MGAM: variants seen among roughly 807,000 people sequenced by gnomAD.
The protein encoded by MGAM is maltase-glucoamylase, also known as alpha-1,4-glucosidase.
In MGAM, 253 loss-of-function variants were observed where a neutral mutation model predicts 358.8. The ratio of observed to expected loss-of-function variants is 0.71; its 90% CI spans 0.64 to 0.78. The LOEUF (loss-of-function observed/expected upper bound fraction) is 0.78, where lower values mean the gene tolerates loss of function less well. Ranked by LOEUF, MGAM falls within the 30% of genes least tolerant of loss-of-function variation. The pLI, the probability that MGAM is intolerant of heterozygous loss-of-function variation, is 0.00. For synonymous variants in MGAM, 1,105 were observed against 1,227.1 expected (o/e 0.90, Z 2.08); for missense variants, 3,080 against 3,432.6 (o/e 0.90, Z 2.57).
chr7:142,021,002 T>G lies in MGAM; in HGVS notation c.477T>G (p.Pro159=), dbSNP rs782472130. 4.3e-6 allele frequency: 7 copies of G among 1,613,598 alleles called. No individual in the cohort carries two copies. The highest frequency in any genetic ancestry group is 3.3e-5 in the Admixed American group (2 of 59,960). ...TCACAGCCCGGTTGAAAAATCTGCC[T>G]TCTTCACCAGTGTTTGGAAGCAATG... is the stretch of plus-strand genomic sequence containing the variant. ...AGFTARLKNL[P]SSPVFGSNVD... Residue 159 remains proline, a synonymous_variant, in exon 5 of 71, where the codon CCT becomes CCG. Coordinates refer to ENST00000475668, the MANE Select transcript of MGAM (RefSeq NM_001365693.1).
At chr7:142,033,049 G>GA (rs1381168411) in intron 14 of MGAM, 140 bp downstream of exon 14, 9 of 520,396 alleles carry the variant, frequency 1.7e-5, no homozygotes, top group Non-Finnish European at 3.0e-5. Flanking sequence ...AATATATAAG[G>GA]AAAACTAGGA....
intron 3 of MGAM, among the ~76,000 whole-genome samples, chr7:142,017,610 C>CT (rs370181884): frequency 6.6e-6 from 1 of 151,962 alleles, no homozygotes; most frequent in African/African-American, 2.4e-5. Context: ...CTTTTCAACA[C>CT]TTTTTTTTCT....
intron 56 of MGAM, 144 bp from the exon 57 acceptor site, chr7:142,086,511 G>T: frequency 1.7e-6 from 1 of 575,264 alleles, no homozygotes; most frequent in South Asian, 2.2e-5. Context: ...AATGTGTTAC[G>T]GAATTCACTT....
chr7:142,080,668 C>A (rs1165127244), intron 49 of MGAM, 123 bp from the exon 50 acceptor site: 1 of 907,842 alleles, frequency 1.1e-6, no homozygotes, highest in East Asian at 2.6e-5. Flanking sequence ...TCTCAGACAT[C>A]ATAAACTTAA....
rs201997667 is a variant in MGAM at position 142,025,072 on chromosome 7, C to T, written c.905C>T (p.Ala302Val). The T allele has an allele frequency of 4.5e-4, 729 of 1,613,526 alleles. 1 individual carries two copies. The highest frequency in any genetic ancestry group is 5.5e-4 in the Non-Finnish European group (651 of 1,179,578). ...PNGNGTNLYG[A>V]QTFFLCLEDA... ...CAGAACGGAACTAATTTGTATGGTG[C>T]GCAGACATTCTTCTTGTGCCTTGAA... The change falls in exon 8 of 71, where the codon GCG (alanine) becomes GTG (valine). Residue 302 changes from alanine to valine, a missense_variant. Ala to Val is a moderately conservative substitution (Grantham distance 64). Coordinates refer to ENST00000475668, the MANE Select transcript of MGAM (RefSeq NM_001365693.1).
intron 20 of MGAM, 82 bp downstream of exon 20, chr7:142,040,253 C>A: frequency 9.3e-7 from 1 of 1,076,756 alleles, no homozygotes; most frequent in Non-Finnish European, 1.4e-6. Flanking sequence ...GAGAGAGAAA[C>A]ATCCATCTAC....
At chr7:141,990,691 A>C (rs1231136983) in intron 2 of MGAM, among the ~76,000 whole-genome samples, 1 of 149,488 alleles carries the variant, frequency 6.7e-6, no homozygotes, top group Non-Finnish European at 1.5e-5. Context: ...TTATTTTTTT[A>C]TTATTATACT....
At chr7:142,076,141 G>T in intron 45 of MGAM, 62 bp from the exon 46 acceptor site, 1 of 1,278,928 alleles carries the variant, frequency 7.8e-7, no homozygotes, top group Non-Finnish European at 1.1e-6. Context: ...GAGTGGGAGT[G>T]TGAAATCTGT....
chr7:142,104,469 G>A (rs772139685), intron 70 of MGAM, among the ~76,000 whole-genome samples: 3 of 152,128 alleles, frequency 2.0e-5, no homozygotes, highest in Non-Finnish European at 1.5e-5. Context: ...TATTTCCTCT[G>A]TACTGCAAAA....
At chr7:142,021,545 G>A (rs1253671607) in intron 5 of MGAM, 41 bp from the exon 6 acceptor site, 21 of 1,599,632 alleles carry the variant, frequency 1.3e-5, no homozygotes, top group African/African-American at 2.7e-5. Flanking sequence ...GCTCTGACAA[G>A]TTTTTATTTT....
intron 27 of MGAM, 96 bp from the exon 28 acceptor site, chr7:142,055,462 T>C: frequency 6.9e-7 from 1 of 1,458,262 alleles, no homozygotes; most frequent in Non-Finnish European, 9.6e-7. Context: ...AGCTTCTTGG[T>C]AGGAATCAAG....
At chr7:142,074,430 T>C (rs4466313) in intron 45 of MGAM, among the ~76,000 whole-genome samples, 1 of 146,038 alleles carries the variant, frequency 6.8e-6, no homozygotes, top group African/African-American at 2.4e-5. Flanking sequence ...TTATTGTCAA[T>C]GGGTGCTTAG....
At position 142,064,488 on chromosome 7, in the gene MGAM, C is replaced by G; in HGVS notation, c.4450C>G (p.Leu1484Val). 2 of 1,581,880 alleles carry G rather than the reference C, an allele frequency of 1.3e-6. No homozygotes were observed. The highest frequency in any genetic ancestry group is 1.7e-6 in the Non-Finnish European group (2 of 1,163,854). Residue 1484 changes from leucine to valine, a missense_variant, in exon 37 of 71, where the codon CTG (leucine) becomes GTG (valine). This residue lies in a region of MGAM where 1,816 missense variants were observed against 1,840.5 expected (regional missense o/e 0.99). Transcript: ENST00000475668. ...GGTGCAGCACTACAACGTGCACAAC[C>G]TGTATGGGTGGTCCCAGACCAGACC... ...SLVQHYNVHN[L>V]YGWSQTRPTY...
intron 22 of MGAM, 106 bp downstream of exon 22, chr7:142,047,979 A>G (rs1810545208): frequency 1.2e-6 from 1 of 842,718 alleles, no homozygotes; most frequent in African/African-American, 1.7e-5. Context: ...CAGTAGGCAC[A>G]GTAGCAAGAG....
At chr7:142,032,770 C>A in intron 13 of MGAM, 55 bp from the exon 14 acceptor site, 2 of 1,065,316 alleles carry the variant, frequency 1.9e-6, no homozygotes, top group Non-Finnish European at 2.8e-6. Flanking sequence ...ACCATCACGA[C>A]ATCATAAGAT....
chr7:142,020,131 G>A (rs1806305376), intron 4 of MGAM, among the ~76,000 whole-genome samples: 1 of 151,740 alleles, frequency 6.6e-6, no homozygotes, highest in South Asian at 2.1e-4. Context: ...GGGGATAGCA[G>A]AAGGTGACAC....
At position 142,086,365 on chromosome 7, in the gene MGAM, T is replaced by G. The variant is rs1447344656; in HGVS notation, c.6747+37T>G. 1.3e-5 allele frequency: 19 copies of G among 1,446,214 alleles called. 2 individuals carry two copies. The highest frequency in any genetic ancestry group is 1.5e-5 in the Non-Finnish European group (16 of 1,057,282). 89.6% of individuals were successfully genotyped at this position (1,446,214 alleles called of 1,614,324 possible). A position where few individuals can be genotyped will look rare whatever the true frequency, so the allele number is the denominator to read the frequency against. ...AGCGATGATCCAGTAGTCCCTAGCC[T>G]GAGGGTGGGTCACTGTTAGAGGGTC... is the stretch of plus-strand genomic sequence containing the variant. On this transcript the variant is annotated intron_variant, in intron 56 of 70. Coordinates refer to ENST00000475668, the MANE Select transcript of MGAM (RefSeq NM_001365693.1).
chr7:142,036,702 AC>A (rs782049728), intron 17 of MGAM, 120 bp from the exon 18 acceptor site: 124 of 1,118,274 alleles, frequency 1.1e-4, no homozygotes, highest in Non-Finnish European at 1.6e-4. Context: ...GAGGTTTGCA[AC>A]CTTGGCCTCT....
At position 142,054,779 on chromosome 7, in the gene MGAM, A is replaced by G; in HGVS notation, c.3185A>G (p.Tyr1062Cys). ...FKIYDPNKNR[Y>C]EVPVPLNIPS... ...ATTTATGATCCCAACAAGAATCGGT[A>G]TGAAGTTCCAGTCCCTCTGAACATA... The change falls in exon 27 of 71, where the codon TAT becomes TGT. Residue 1062 changes from tyrosine to cysteine, a missense_variant. Coordinates refer to ENST00000475668, the MANE Select transcript of MGAM (RefSeq NM_001365693.1). 1 of 1,613,914 alleles carries G rather than the reference A, an allele frequency of 6.2e-7. No individual in the cohort carries two copies. The highest frequency in any genetic ancestry group is 8.5e-7 in the Non-Finnish European group (1 of 1,179,826).
Sources: allele counts gnomAD v4.1 joint callset (sites outside exome capture counted in the v4.1 genomes callset), GRCh38; gene constraint gnomAD v4.1.1; regional missense constraint gnomAD v4.1.1; transcripts MANE v1.5; gene names NCBI Gene and HGNC (gene_info 2026-07-23, HGNC 2026-07-21).